Variants in ZFYVE21 observed in about 807,000 individuals in gnomAD.
ZFYVE21 encodes the protein zinc finger FYVE domain-containing protein 21.
In ZFYVE21, 21 loss-of-function variants were observed where a neutral mutation model predicts 29.5. The observed-to-expected ratio is 0.71, with a 90% CI of 0.50 to 1.02. The LOEUF (loss-of-function observed/expected upper bound fraction) is 1.02, where lower values mean the gene tolerates loss of function less well. ZFYVE21 is among the 50% of genes least tolerant of loss of function. The probability of loss-of-function intolerance (pLI) is 0.00; values close to 1 mark genes in which losing one functional copy is unlikely to be tolerated. For synonymous variants in ZFYVE21, 151 were observed against 133.8 expected, an observed-to-expected ratio of 1.13 and a Z score of -0.89; for missense variants, 326 against 335.4, an observed-to-expected ratio of 0.97 and a Z score of 0.22.
intron 3 of ZFYVE21, 110 bp downstream of exon 3, chr14:103,728,024 C>G: frequency 8.5e-7 from 1 of 1,176,356 alleles, no homozygotes; most frequent in South Asian, 1.6e-5. Context: ...GACGTTCTCT[C>G]GCCCTCCCTC....
In ZFYVE21 at chr14:103,733,246, ACTT is replaced by A; in HGVS notation, c.*229_*231del. 1 of 562,840 alleles carries A rather than the reference ACTT, an allele frequency of 1.8e-6. No individual in the cohort carries two copies. 34.9% of individuals were successfully genotyped at this position (562,840 alleles called of 1,614,324 possible). A position where few individuals can be genotyped will look rare whatever the true frequency, so the allele number is the denominator to read the frequency against. On this transcript the variant is annotated 3_prime_UTR_variant, in exon 7 of 7. Coordinates refer to ENST00000311141, the MANE Select transcript of ZFYVE21 (RefSeq NM_024071.4). The stretch of plus-strand genomic sequence containing the variant: ...GTTTTAGAATTTGTGTATTGTCAAT[ACTT>A]AATTGGGGGTGGGAGAGACTGAGCT...
chr14:103,727,682 G>A (rs1448910833), intron 2 of ZFYVE21, 64 bp from the exon 3 acceptor site: 1 of 1,587,898 alleles, frequency 6.3e-7, no homozygotes, highest in Non-Finnish European at 8.5e-7. Context: ...GGCCAGCCGG[G>A]GCCACACCCG....
At chr14:103,718,775 C>T (rs145654801) in intron 1 of ZFYVE21, among the ~76,000 whole-genome samples, 3 of 152,306 alleles carry the variant, frequency 2.0e-5, no homozygotes, top group African/African-American at 4.8e-5. Context: ...ACCTCCCATC[C>T]GTGGTGCTGG....
intron 2 of ZFYVE21, 105 bp downstream of exon 2, chr14:103,726,947 C>G: frequency 2.8e-5 from 19 of 679,964 alleles, no homozygotes; most frequent in Non-Finnish European, 3.7e-5. Flanking sequence ...TCTTATGGCT[C>G]GTTTTTTTTT....
rs34926725 is a variant in ZFYVE21 at position 103,722,351 on chromosome 14, C to CTTTTT, written c.139-4424_139-4420dup. Among the ~76,000 whole-genome samples, 46 of 108,356 alleles carry CTTTTT rather than the reference C, an allele frequency of 4.2e-4. 3 individuals are homozygous for CTTTTT. The highest frequency in any genetic ancestry group is 5.4e-4 in the Non-Finnish European group (30 of 55,680). 71.1% of individuals were successfully genotyped at this position (108,356 alleles called of 152,430 possible). Reference sequence around the variant, plus strand: ...GGCAAATCCTAGGTGTGGTCTGTCTCTTTTTTTTTTTTTTTTTTTTTGAGA... The same window carrying CTTTTT: ...GGCAAATCCTAGGTGTGGTCTGTCTCTTTTTTTTTTTTTTTTTTTTTTTTTTGAGA... On this transcript the variant is annotated intron_variant, in intron 1 of 6. Transcript: ENST00000311141.
In ZFYVE21 at chr14:103,715,948, TGGA is replaced by T; in HGVS notation, c.112_114del (p.Glu38del). On this transcript the variant is annotated inframe_deletion, in exon 1 of 7. Transcript: ENST00000311141. ...CGCGCCTTCGGAAGCCCGTTCGGCCTGGAGGAGCCGCAGTGGGTCCCGGACAAG... is the reference window on the plus strand; with the variant it reads ...CGCGCCTTCGGAAGCCCGTTCGGCCTGGAGCCGCAGTGGGTCCCGGACAAG... 7.1e-7 allele frequency: 1 copy of T among 1,411,886 alleles called. No homozygotes were observed. The allele number at this position is 1,411,886 out of a possible 1,614,324, so 87.5% of individuals were successfully genotyped here.
intron 5 of ZFYVE21, chr14:103,730,508 CAGG>C (rs1323218829): frequency 6.6e-6 from 1 of 152,570 alleles, no homozygotes; most frequent in African/African-American, 2.4e-5. Context: ...GCCAGTGCCT[CAGG>C]AGGCCAGGGC....
intron 6 of ZFYVE21, 55 bp from the exon 7 acceptor site, chr14:103,732,928 C>T: frequency 1.2e-6 from 2 of 1,613,608 alleles, no homozygotes; most frequent in Non-Finnish European, 1.7e-6. Context: ...AGGCTTGGCT[C>T]CACCAGGCAC....
chr14:103,723,478 G>A (rs753021291), intron 1 of ZFYVE21, among the ~76,000 whole-genome samples: 1 of 152,240 alleles, frequency 6.6e-6, no homozygotes, highest in Non-Finnish European at 1.5e-5. Context: ...TCCAAGTCCA[G>A]GAAGCAGCTT....
intron 1 of ZFYVE21, among the ~76,000 whole-genome samples, chr14:103,722,351 C>CCT (rs780660473): frequency 9.2e-6 from 1 of 108,372 alleles, no homozygotes; most frequent in Non-Finnish European, 1.8e-5. Flanking sequence ...TGGTCTGTCT[C>CCT]TTTTTTTTTT....
chr14:103,719,951 G>A (rs561265044), intron 1 of ZFYVE21, among the ~76,000 whole-genome samples: 5 of 152,284 alleles, frequency 3.3e-5, no homozygotes, highest in East Asian at 3.9e-4. Context: ...AGGCCAGGCC[G>A]CCTGTAGCAT....
chr14:103,727,103 G>C, intron 2 of ZFYVE21: 1 of 429,878 alleles, frequency 2.3e-6, no homozygotes, highest in South Asian at 2.4e-5. Flanking sequence ...TTGCCACCAC[G>C]CCTGGCTAAT....
At chr14:103,730,566 G>C (rs2083964665) in intron 5 of ZFYVE21, 1 of 152,748 alleles carries the variant, frequency 6.5e-6, no homozygotes, top group African/African-American at 2.4e-5. Context: ...CCTCCCCAGG[G>C]CTTCTGGCAC....
Position 103,716,563 on chromosome 14 carries a change from C to G in ZFYVE21, c.138+584C>G, listed in dbSNP as rs1164066969. On this transcript the variant is annotated intron_variant, in intron 1 of 6. Transcript: ENST00000311141. This position sits in a 1 kb window ranked among gnomAD's most constrained non-coding sequence, Gnocchi z 4.8. Reference sequence around the variant, plus strand: ...ACCCAGTCTGCGGGCCAGGCTGCCCCCCGTTTCCCTTCGTCTATACCACCC... The same window carrying G: ...ACCCAGTCTGCGGGCCAGGCTGCCCGCCGTTTCCCTTCGTCTATACCACCC... 2.0e-5 allele frequency among the ~76,000 whole-genome samples: 3 copies of G among 152,228 alleles called. No individual in the cohort carries two copies. The highest frequency in any genetic ancestry group is 2.9e-5 in the Non-Finnish European group (2 of 68,032).
chr14:103,732,716 CTG>C lies in ZFYVE21; in HGVS notation c.626_627del (p.Val209GlyfsTer21), dbSNP rs1595694901. The C allele has an allele frequency of 6.2e-7, 1 of 1,613,674 alleles. No homozygotes were observed. The highest frequency in any genetic ancestry group is 8.5e-7 in the Non-Finnish European group (1 of 1,179,836). ...AAGCTGACAGTGGTGGAGGACGTGACTGTGGGCAGGAGGCAGGCGGTGGCGTG... is the reference window on the plus strand; with the variant it reads ...AAGCTGACAGTGGTGGAGGACGTGACTGGGCAGGAGGCAGGCGGTGGCGTG... On this transcript the variant is annotated frameshift_variant, in exon 6 of 7. Coordinates refer to ENST00000311141, the MANE Select transcript of ZFYVE21 (RefSeq NM_024071.4). LOFTEE classifies it high-confidence loss of function.
intron 1 of ZFYVE21, chr14:103,725,195 T>C (rs934628310): frequency 6.6e-6 from 1 of 152,318 alleles, no homozygotes; most frequent in African/African-American, 2.4e-5. Context: ...AGGGTCCCCC[T>C]GCCATCTGGA....
Position 103,728,918 on chromosome 14 carries a change from C to T in ZFYVE21, c.369C>T (p.Phe123=), listed in dbSNP as rs147100029. Residue 123 remains phenylalanine (F), a synonymous_variant, in exon 4 of 7, where the codon TTC becomes TTT. Coordinates refer to ENST00000311141, the MANE Select transcript of ZFYVE21 (RefSeq NM_024071.4). ...QLKVLLSGAT[F]LVTFGNSEKP... ...TTTTGTGTTCCCAAGGAGCCACCTT[C>T]CTCGTCACGTTTGGAAACTCAGAGA... 76 of 1,613,992 alleles carry T rather than the reference C, an allele frequency of 4.7e-5. No homozygotes were observed. Among genetic ancestry groups the T allele is most frequent in the South Asian group, 9.9e-5 (9 of 91,092 alleles).
At chr14:103,717,846 G>C (rs956688135) in intron 1 of ZFYVE21, among the ~76,000 whole-genome samples, 2 of 152,246 alleles carry the variant, frequency 1.3e-5, no homozygotes, top group Non-Finnish European at 2.9e-5. Context: ...GTTTTGCGTT[G>C]TGAATTGTAT....
rs1256202409 is a variant in ZFYVE21 at position 103,727,805 on chromosome 14, G to A, written c.249G>A (p.Pro83=). Reference sequence around the variant, plus strand: ...ACAGGTGCTGCAGCCAGAAGGTGCCGCTGCGGCGCATGTGCTTTGTGGACC... The same window carrying A: ...ACAGGTGCTGCAGCCAGAAGGTGCCACTGCGGCGCATGTGCTTTGTGGACC... ...FCDRCCSQKV[P]LRRMCFVDPV... Residue 83 remains proline, a synonymous_variant, in exon 3 of 7, where the codon CCG becomes CCA. Coordinates refer to ENST00000311141, the MANE Select transcript of ZFYVE21 (RefSeq NM_024071.4). 2 of 1,612,692 alleles carry A rather than the reference G, an allele frequency of 1.2e-6. No homozygotes were observed. The highest frequency in any genetic ancestry group is 1.1e-5 in the South Asian group (1 of 91,086).
Sources: allele counts gnomAD v4.1 joint callset (sites outside exome capture counted in the v4.1 genomes callset), GRCh38; gene constraint gnomAD v4.1.1; non-coding constraint Gnocchi (gnomAD v3.1); transcripts MANE v1.5; gene names NCBI Gene and HGNC (gene_info 2026-07-23, HGNC 2026-07-21).